Variants in PTPRD observed in about 807,000 individuals in gnomAD.
The protein encoded by PTPRD is protein tyrosine phosphatase receptor type D.
PTPRD carries 34 observed loss-of-function variants against 214.5 expected under a neutral mutation model. The ratio of observed to expected loss-of-function variants is 0.16; its 90% CI spans 0.12 to 0.21. The LOEUF is 0.21. Among genes scored for constraint, PTPRD ranks in the 10% least tolerant of loss-of-function variants. The pLI is 1.00. For synonymous variants in PTPRD, 1,128 were observed against 845.7 expected (o/e 1.33, Z -5.79); for missense variants, 2,545 against 2,398.7 (o/e 1.06, Z -1.27).
At position 9,998,127 on chromosome 9, in the gene PTPRD, A is replaced by ATATATATAT. The variant is rs1231969776; in HGVS notation, c.-472+35590_-472+35591insATATATATA. ...ACTTAAAGTATAATAAAAAAAAAAA[A>ATATATATAT]AAATATATATATATATATAAAAGAA... On this transcript the variant is annotated intron_variant, in intron 4 of 45. Transcript: ENST00000381196. Among the ~76,000 whole-genome samples the ATATATATAT allele has an allele frequency of 5.9e-3, 328 of 55,162 alleles. 5 individuals are homozygous for ATATATATAT. The highest frequency in any genetic ancestry group is 0.02 in the African/African-American group (302 of 14,850). 36.2% of individuals were successfully genotyped at this position (55,162 alleles called of 152,430 possible). A position where few individuals can be genotyped will look rare whatever the true frequency, so the allele number is the denominator to read the frequency against.
Position 10,264,187 on chromosome 9 carries a change from G to A in PTPRD, c.-545+76776C>T, listed in dbSNP as rs181112772. 3.9e-5 allele frequency among the ~76,000 whole-genome samples: 6 copies of A among 152,318 alleles called. No individual in the cohort carries two copies. In the East Asian group the frequency reaches 1.2e-3, roughly 29 times the overall value. Reference sequence around the variant, plus strand: ...GGACAGTGTGGAAGGGAAATGTGGGGTTGAAGCCCCCACATAGAGTCCCCA... The same window carrying A: ...GGACAGTGTGGAAGGGAAATGTGGGATTGAAGCCCCCACATAGAGTCCCCA... On this transcript the variant is annotated intron_variant, in intron 3 of 45. Coordinates refer to ENST00000381196, the MANE Select transcript of PTPRD (RefSeq NM_002839.4).
chr9:8,501,143 G>A, intron 23 of PTPRD, 84 bp from the exon 24 acceptor site: 5 of 1,044,926 alleles, frequency 4.8e-6, no homozygotes, highest in Non-Finnish European at 6.9e-6. Context: ...AAAAGAAAAG[G>A]CAAAAATAAA....
chr9:10,071,913 T>C (rs1452797014), intron 3 of PTPRD, among the ~76,000 whole-genome samples: 1 of 151,998 alleles, frequency 6.6e-6, no homozygotes, highest in East Asian at 1.9e-4. Flanking sequence ...TTTTCGTTTT[T>C]TTAAAATAAT....
intron 10 of PTPRD, among the ~76,000 whole-genome samples, chr9:9,053,479 G>A (rs2099690354): frequency 1.3e-5 from 2 of 152,034 alleles, no homozygotes; most frequent in South Asian, 2.1e-4. Context: ...AAGAGCTGAT[G>A]TATTTTGAAT....
intron 10 of PTPRD, among the ~76,000 whole-genome samples, chr9:9,138,689 T>C (rs1592252148): frequency 6.6e-6 from 1 of 152,222 alleles, no homozygotes. Context: ...TTGAACGTTA[T>C]GAGCAGTAAT....
intron 11 of PTPRD, among the ~76,000 whole-genome samples, chr9:8,950,059 A>G (rs2099093154): frequency 6.6e-6 from 1 of 152,170 alleles, no homozygotes; most frequent in Non-Finnish European, 1.5e-5. Context: ...ATTCTACAAA[A>G]TAGGTATTGG....
intron 5 of PTPRD, among the ~76,000 whole-genome samples, chr9:9,859,409 G>C (rs765466861): frequency 2.0e-5 from 3 of 152,100 alleles, no homozygotes; most frequent in Non-Finnish European, 4.4e-5. Context: ...ATAATGCCTT[G>C]GTCAACCAAT....
At chr9:9,825,560 C>T (rs1037157225) in intron 5 of PTPRD, among the ~76,000 whole-genome samples, 1 of 151,910 alleles carries the variant, frequency 6.6e-6, no homozygotes, top group Non-Finnish European at 1.5e-5. Context: ...GACTTTTAAC[C>T]ATTACTTAGC....
intron 5 of PTPRD, among the ~76,000 whole-genome samples, chr9:9,883,755 G>A (rs773648486): frequency 1.3e-4 from 20 of 151,998 alleles, no homozygotes; most frequent in Admixed American, 3.9e-4. Context: ...TCATTTAGCC[G>A]TATACTGTGA....
At chr9:9,267,508 AC>A (rs1940519282) in intron 9 of PTPRD, among the ~76,000 whole-genome samples, 1 of 151,232 alleles carries the variant, frequency 6.6e-6, no homozygotes, top group African/African-American at 2.4e-5. Context: ...TCAAATTGTT[AC>A]AAGAAATTGA....
intron 14 of PTPRD, among the ~76,000 whole-genome samples, chr9:8,543,242 A>G (rs1243227137): frequency 1.3e-5 from 2 of 152,240 alleles, no homozygotes; most frequent in African/African-American, 4.8e-5. Context: ...AGACTGACAC[A>G]TTGTTATAAA....
chr9:9,159,568 C>T (rs1052924291), intron 10 of PTPRD, among the ~76,000 whole-genome samples: 1 of 151,972 alleles, frequency 6.6e-6, no homozygotes, highest in Non-Finnish European at 1.5e-5. Flanking sequence ...AAATACAAAT[C>T]AGTAGAATAA....
At chr9:8,996,878 G>A (rs549744456) in intron 11 of PTPRD, among the ~76,000 whole-genome samples, 1 of 152,026 alleles carries the variant, frequency 6.6e-6, no homozygotes, top group Admixed American at 6.6e-5. Flanking sequence ...ATAGCAGAGG[G>A]TGATGGAATT....
intron 9 of PTPRD, among the ~76,000 whole-genome samples, chr9:9,329,411 T>C (rs999294806): frequency 1.3e-5 from 2 of 152,304 alleles, no homozygotes; most frequent in African/African-American, 2.4e-5. Flanking sequence ...ACAGATTCCA[T>C]GCCCTTTACT....
At chr9:9,368,885 A>G (rs974746969) in intron 9 of PTPRD, among the ~76,000 whole-genome samples, 2 of 151,848 alleles carry the variant, frequency 1.3e-5, no homozygotes, top group African/African-American at 4.8e-5. Flanking sequence ...AGCATTAGGT[A>G]TATCTCCTAA....
intron 10 of PTPRD, among the ~76,000 whole-genome samples, chr9:9,058,468 T>TTTTTTTTTTTTTTTTTG: frequency 9.6e-6 from 1 of 103,746 alleles, no homozygotes. Flanking sequence ...TTTTTTTTTT[T>TTTTTTTTTTTTTTTTTG]GAGACGGAGT....
At chr9:9,099,732 A>G (rs1185973992) in intron 10 of PTPRD, among the ~76,000 whole-genome samples, 1 of 152,224 alleles carries the variant, frequency 6.6e-6, no homozygotes, top group Non-Finnish European at 1.5e-5. Context: ...AGTGAGGATT[A>G]CTTTTTTATG....
intron 7 of PTPRD, among the ~76,000 whole-genome samples, chr9:9,707,538 C>T (rs1026511024): frequency 2.6e-5 from 4 of 152,040 alleles, no homozygotes; most frequent in African/African-American, 9.7e-5. Context: ...ACTGGAATAA[C>T]AGCGTGATTA....
chr9:9,063,228 G>GA (rs539006017), intron 10 of PTPRD, among the ~76,000 whole-genome samples: 262 of 152,126 alleles, frequency 1.7e-3, no homozygotes, highest in African/African-American at 5.9e-3. Context: ...ATATGAGATA[G>GA]AAAAAAACAG....
Sources: gnomAD v4.1 joint callset for allele counts (sites outside exome capture counted in the v4.1 genomes callset) on GRCh38, gnomAD v4.1.1 for gene constraint, MANE v1.5 for transcripts, NCBI Gene and HGNC (gene_info 2026-07-23, HGNC 2026-07-21) for gene names.